The following SLC25A53 variants were observed in gnomAD, a reference collection of about 807,000 sequenced individuals.
The protein encoded by SLC25A53 is mitochondrial carrier triple repeat protein 6.
Under a neutral mutation model 15.0 loss-of-function variants are expected in SLC25A53, and 5 were observed. The ratio of observed to expected loss-of-function variants is 0.33; its 90% CI spans 0.17 to 0.70. The LOEUF is 0.70. Ranked by LOEUF, SLC25A53 falls within the 30% of genes least tolerant of loss-of-function variation. The pLI is 0.67. For synonymous variants in SLC25A53, 95 were observed against 100.0 expected (o/e 0.95, Z 0.30); for missense variants, 216 against 241.6 (o/e 0.89, Z 0.70).
In SLC25A53 at chrX:104,104,742, C is replaced by T; in HGVS notation, c.516G>A (p.Leu172=). 1.2e-5 allele frequency: 15 copies of T among 1,211,484 alleles called. No individual in the cohort carries two copies. Among genetic ancestry groups the T allele is most frequent in the South Asian group, 1.8e-5 (1 of 56,958 alleles). The change falls in exon 2 of 2, where the codon CTG becomes CTA. Residue 172 remains leucine, a synonymous_variant. Transcript: ENST00000594199. The stretch of plus-strand genomic sequence containing the variant: ...CAGGCCAGAAACCACGATAGTAGCC[C>T]AGTGACAGCCGCCCCCAAAGCCCAT... ...NSYGLWGRLS[L]GYYRGFWPVL... is the part of the protein sequence containing the mutation.
chrX:104,139,033 C>T (rs782630704), intron 1 of SLC25A53, among the ~76,000 whole-genome samples: 147 of 112,667 alleles, frequency 1.3e-3, no homozygotes, highest in Non-Finnish European at 2.4e-3. Flanking sequence ...CTGTCCTCAC[C>T]CAGGTCCATG....
intron 1 of SLC25A53, among the ~76,000 whole-genome samples, chrX:104,108,611 A>C (rs1183133976): frequency 9.0e-6 from 1 of 111,344 alleles, no homozygotes; most frequent in African/African-American, 3.3e-5. Context: ...TATAGACCAC[A>C]GAATGGACCT....
At position 104,102,709 on chromosome X, in the gene SLC25A53, T is replaced by C. The variant is rs1490734309; in HGVS notation, c.*1625A>G. ...CTAGGCACAATGGAAGATTTTAAAA[T>C]GCATACAAAAATCCCTGCTTTCAAT... On this transcript the variant is annotated 3_prime_UTR_variant, in exon 2 of 2. Coordinates refer to ENST00000594199, the MANE Select transcript of SLC25A53 (RefSeq NM_001012755.5). 2 of 111,745 alleles carry C rather than the reference T, an allele frequency of 1.8e-5. No homozygotes were observed. Among genetic ancestry groups the C allele is most frequent in the Non-Finnish European group, 3.8e-5 (2 of 53,148 alleles). 9.2% of individuals were successfully genotyped at this position (111,745 alleles called of 1,213,427 possible).
intron 1 of SLC25A53, among the ~76,000 whole-genome samples, chrX:104,138,559 G>T (rs2075442822): frequency 8.9e-6 from 1 of 112,728 alleles, no homozygotes; most frequent in African/African-American, 3.2e-5. Context: ...TAGGCAGCTT[G>T]TGTTAGCTCA....
At chrX:104,107,173 T>C (rs1332199906) in intron 1 of SLC25A53, among the ~76,000 whole-genome samples, 5 of 110,808 alleles carry the variant, frequency 4.5e-5, no homozygotes, top group Non-Finnish European at 9.5e-5. Flanking sequence ...TCCCCTTTGC[T>C]CCATCCATTT....
At chrX:104,128,285 T>C (rs1232816147) in intron 1 of SLC25A53, among the ~76,000 whole-genome samples, 37 of 112,017 alleles carry the variant, frequency 3.3e-4, no homozygotes, top group African/African-American at 1.2e-3. Context: ...CTTTTGCTAA[T>C]GTAGGTTACA....
At chrX:104,147,869 C>T (rs2075473005) in intron 1 of SLC25A53, among the ~76,000 whole-genome samples, 1 of 110,232 alleles carries the variant, frequency 9.1e-6, no homozygotes, top group African/African-American at 3.3e-5. Context: ...TAAACTAGTT[C>T]AACCATTGTG....
intron 1 of SLC25A53, among the ~76,000 whole-genome samples, chrX:104,148,340 TACCTAATGC>T (rs1444796709): frequency 9.2e-6 from 1 of 108,473 alleles, no homozygotes; most frequent in East Asian, 2.9e-4. Context: ...TTAGGAGATA[TACCTAATGC>T]TAAATGACGA....
chrX:104,135,238 A>G (rs188204955), intron 1 of SLC25A53, among the ~76,000 whole-genome samples: 80 of 110,511 alleles, frequency 7.2e-4, no homozygotes, highest in African/African-American at 2.6e-3. Flanking sequence ...GTTTCACTGC[A>G]TGTCCTGCCC....
At chrX:104,113,565 C>G (rs1399197736) in intron 1 of SLC25A53, 1 of 112,290 alleles carries the variant, frequency 8.9e-6, no homozygotes, top group African/African-American at 3.3e-5. Flanking sequence ...CGCTAGTTTC[C>G]GAGCTCATGT....
At chrX:104,114,476 G>C in intron 1 of SLC25A53, 2 of 1,211,730 alleles carry the variant, frequency 1.7e-6, no homozygotes, top group Non-Finnish European at 2.2e-6. Context: ...TTGGTGTTTG[G>C]GGAGTCTGAA....
At chrX:104,112,950 G>C (rs1161899505) in intron 1 of SLC25A53, 1 of 104,359 alleles carries the variant, frequency 9.6e-6, no homozygotes, top group Non-Finnish European at 1.9e-5. Context: ...AGGAGTTGTG[G>C]TTCATCTGGA....
chrX:104,132,908 A>C (rs1175978500), intron 1 of SLC25A53, among the ~76,000 whole-genome samples: 1 of 111,665 alleles, frequency 9.0e-6, no homozygotes, highest in Non-Finnish European at 1.9e-5. Flanking sequence ...TTCTGTGTAT[A>C]AACTCTACCA....
intron 1 of SLC25A53, among the ~76,000 whole-genome samples, chrX:104,154,523 T>G (rs949318703): frequency 1.8e-5 from 2 of 112,638 alleles, no homozygotes; most frequent in Admixed American, 9.4e-5. Context: ...CGAAGAGATA[T>G]CTGTACTCTT....
chrX:104,141,485 G>A (rs1307351627), intron 1 of SLC25A53, among the ~76,000 whole-genome samples: 1 of 112,298 alleles, frequency 8.9e-6, no homozygotes, highest in Non-Finnish European at 1.9e-5. Context: ...AAGTGACTCA[G>A]ACATTTTGTA....
intron 1 of SLC25A53, among the ~76,000 whole-genome samples, chrX:104,111,081 G>A (rs151326141): frequency 2.0e-3 from 225 of 112,569 alleles, no homozygotes; most frequent in East Asian, 0.018. Flanking sequence ...GCCATGGACA[G>A]ATACACTGAT....
intron 1 of SLC25A53, among the ~76,000 whole-genome samples, chrX:104,129,575 T>C (rs1556365062): frequency 9.2e-6 from 1 of 108,514 alleles, no homozygotes; most frequent in African/African-American, 3.5e-5. Flanking sequence ...TTTTCTAACC[T>C]CAGCTGGGAA....
At chrX:104,111,624 C>T (rs2075344574) in intron 1 of SLC25A53, among the ~76,000 whole-genome samples, 1 of 111,452 alleles carries the variant, frequency 9.0e-6, no homozygotes, top group Non-Finnish European at 1.9e-5. Flanking sequence ...TCCCCACTAC[C>T]TCCTCACCCC....
chrX:104,122,405 G>A (rs960113095), intron 1 of SLC25A53, among the ~76,000 whole-genome samples: 1 of 102,112 alleles, frequency 9.8e-6, no homozygotes, highest in Non-Finnish European at 2.0e-5. Flanking sequence ...ACACTTCTCT[G>A]AAGACCAACA....
Sources: gnomAD v4.1 joint callset for allele counts (sites outside exome capture counted in the v4.1 genomes callset) on GRCh38, gnomAD v4.1.1 for gene constraint, MANE v1.5 for transcripts, NCBI Gene and HGNC (gene_info 2026-07-23, HGNC 2026-07-21) for gene names.